CFDP1: variants seen among roughly 807,000 people sequenced by gnomAD.
The protein encoded by CFDP1 is heterochromatin-stabilizing protein CFDP1.
In CFDP1, 31 loss-of-function variants were observed where a neutral mutation model predicts 40.1. That is an observed-to-expected ratio of 0.77 (90% confidence interval 0.58 to 1.04). The LOEUF is 1.04. CFDP1 is among the 50% of genes least tolerant of loss of function. The pLI is 0.00. For missense variants in CFDP1, 423 were observed against 343.4 expected (o/e 1.23, Z -1.83); for synonymous variants, 167 against 120.0 (o/e 1.39, Z -2.56).
At chr16:75,361,800 T>C (rs578074372) in intron 5 of CFDP1, among the ~76,000 whole-genome samples, 1 of 152,282 alleles carries the variant, frequency 6.6e-6, no homozygotes, top group East Asian at 1.9e-4. Flanking sequence ...TCTCTCCTTG[T>C]CTGGTTTCTT....
intron 1 of CFDP1, among the ~76,000 whole-genome samples, chr16:75,421,472 A>G (rs2079279628): frequency 6.6e-6 from 1 of 152,214 alleles, no homozygotes; most frequent in African/African-American, 2.4e-5. Context: ...AAAAGATAGT[A>G]AGAATCAGAA....
intron 4 of CFDP1, among the ~76,000 whole-genome samples, chr16:75,398,582 T>C (rs1281062728): frequency 6.6e-6 from 1 of 152,164 alleles, no homozygotes; most frequent in East Asian, 1.9e-4. Flanking sequence ...CCTGTGTCTG[T>C]CTCTCTCAAG....
intron 5 of CFDP1, among the ~76,000 whole-genome samples, chr16:75,349,670 A>ATATATATATATAT: frequency 1.2e-4 from 1 of 8,200 alleles, no homozygotes; most frequent in Non-Finnish European, 2.5e-4. Context: ...AAAAAAAAAA[A>ATATATATATATAT]AAAAAAAAAA....
intron 5 of CFDP1, among the ~76,000 whole-genome samples, chr16:75,368,760 G>A (rs567871604): frequency 6.6e-6 from 1 of 151,882 alleles, no homozygotes; most frequent in East Asian, 1.9e-4. Flanking sequence ...TCCCACTTCA[G>A]CATTCTGAGT....
At chr16:75,349,340 T>C (rs549935804) in intron 5 of CFDP1, among the ~76,000 whole-genome samples, 11 of 151,452 alleles carry the variant, frequency 7.3e-5, no homozygotes, top group African/African-American at 2.7e-4. Context: ...TGAACTCCCA[T>C]CTCCACTAAA....
chr16:75,414,540 T>C (rs1406644654), intron 2 of CFDP1, 38 bp downstream of exon 2: 5 of 1,213,058 alleles, frequency 4.1e-6, no homozygotes, highest in Non-Finnish European at 4.9e-6. Context: ...GTTGTGACAA[T>C]AGCCCCTAAC....
chr16:75,425,950 C>T (rs773211412), intron 1 of CFDP1, among the ~76,000 whole-genome samples: 10 of 135,498 alleles, frequency 7.4e-5, no homozygotes, highest in Non-Finnish European at 1.1e-4. Context: ...GCAGGAGAAT[C>T]GCTTGAACCT....
chr16:75,431,454 CAAAAAAAAAAAA>C (rs60902612), intron 1 of CFDP1, among the ~76,000 whole-genome samples: 2 of 59,600 alleles, frequency 3.4e-5, no homozygotes, highest in African/African-American at 6.7e-5. Flanking sequence ...ACTCTTGTCT[CAAAAAAAAAAAA>C]AAAAAAAAAA....
At chr16:75,407,741 A>C (rs1001920147) in intron 4 of CFDP1, among the ~76,000 whole-genome samples, 75 of 152,066 alleles carry the variant, frequency 4.9e-4, no homozygotes, top group Non-Finnish European at 7.3e-5. Flanking sequence ...CTAAAAAATA[A>C]CTGTAATTAT....
At chr16:75,345,436 G>A (rs1387076210) in intron 5 of CFDP1, among the ~76,000 whole-genome samples, 1 of 151,968 alleles carries the variant, frequency 6.6e-6, no homozygotes, top group African/African-American at 2.4e-5. Context: ...CAGCCTGGGT[G>A]ACAGAGTGAG....
intron 5 of CFDP1, among the ~76,000 whole-genome samples, chr16:75,317,307 C>G (rs2078330085): frequency 6.6e-6 from 1 of 152,250 alleles, no homozygotes; most frequent in African/African-American, 2.4e-5. Flanking sequence ...GTGGTTTCAT[C>G]TCCTCCCTGG....
At chr16:75,413,246 C>G (rs773365385) in intron 2 of CFDP1, among the ~76,000 whole-genome samples, 1 of 152,078 alleles carries the variant, frequency 6.6e-6, no homozygotes, top group Non-Finnish European at 1.5e-5. Context: ...TTCCCACTTT[C>G]GGAAGAACTG....
chr16:75,431,911 CTTT>C (rs71380741), intron 1 of CFDP1, among the ~76,000 whole-genome samples: 1 of 134,476 alleles, frequency 7.4e-6, no homozygotes, highest in Non-Finnish European at 1.6e-5. Flanking sequence ...GACTGGCTAA[CTTT>C]TTTTTTTTTT....
chr16:75,349,251 C>G (rs2078590862), intron 5 of CFDP1, among the ~76,000 whole-genome samples: 1 of 151,958 alleles, frequency 6.6e-6, no homozygotes, highest in Non-Finnish European at 1.5e-5. Flanking sequence ...TGGGTCACAC[C>G]TGTAATCTCA....
chr16:75,374,715 C>T (rs2078778935), intron 5 of CFDP1, among the ~76,000 whole-genome samples: 2 of 151,880 alleles, frequency 1.3e-5, no homozygotes, highest in African/African-American at 4.8e-5. Context: ...ATATTTTAGC[C>T]CTATTAAATA....
chr16:75,387,606 C>T (rs1024528646), intron 5 of CFDP1, among the ~76,000 whole-genome samples: 1 of 152,184 alleles, frequency 6.6e-6, no homozygotes, highest in Non-Finnish European at 1.5e-5. Flanking sequence ...GAACAAATGG[C>T]CACCAGAAGA....
intron 1 of CFDP1, among the ~76,000 whole-genome samples, chr16:75,429,696 C>G (rs1479554758): frequency 6.6e-6 from 1 of 152,066 alleles, no homozygotes; most frequent in Non-Finnish European, 1.5e-5. Context: ...TAGAAGGTAA[C>G]CAAGACAAAG....
At position 75,354,488 on chromosome 16, in the gene CFDP1, TA is replaced by T. The variant is rs199509696; in HGVS notation, c.650+40601del. ...AGCATGAGGTTCACAGCCTTGGTGT[TA>T]AAAAAAAAATCCAAGACATATCTCC... On this transcript the variant is annotated intron_variant, in intron 5 of 6. Coordinates refer to ENST00000283882, the MANE Select transcript of CFDP1 (RefSeq NM_006324.3). Among the ~76,000 whole-genome samples, 12 of 149,932 alleles carry T rather than the reference TA, an allele frequency of 8.0e-5. No homozygotes were observed. In the East Asian group the frequency reaches 1.2e-3, roughly 15 times the overall value.
intron 4 of CFDP1, among the ~76,000 whole-genome samples, chr16:75,400,480 G>A (rs2079042024): frequency 6.6e-6 from 1 of 152,100 alleles, no homozygotes; most frequent in Admixed American, 6.6e-5. Flanking sequence ...TAGAGGAAAG[G>A]AATAGGGCTA....
Sources: allele counts gnomAD v4.1 joint callset (sites outside exome capture counted in the v4.1 genomes callset), GRCh38; gene constraint gnomAD v4.1.1; transcripts MANE v1.5; gene names NCBI Gene and HGNC (gene_info 2026-07-23, HGNC 2026-07-21).